SCAI: variants seen among roughly 807,000 people sequenced by gnomAD.
SCAI encodes the protein suppressor of cancer cell invasion, also known as protein SCAI.
Under a neutral mutation model 92.2 loss-of-function variants are expected in SCAI, and 24 were observed. That is an observed-to-expected ratio of 0.26 (90% CI 0.19 to 0.37). SCAI has a LOEUF of 0.37. SCAI is among the 10% of genes least tolerant of loss of function. The pLI, the probability that SCAI is intolerant of heterozygous loss-of-function variation, is 1.00. For synonymous variants in SCAI, 261 were observed against 258.6 expected, an observed-to-expected ratio of 1.01 and a Z score of -0.09; for missense variants, 450 against 736.2, an observed-to-expected ratio of 0.61 and a Z score of 4.50.
At chr9:125,064,614 G>T (rs1056611205) in intron 2 of SCAI, among the ~76,000 whole-genome samples, 11 of 152,158 alleles carry the variant, frequency 7.2e-5, no homozygotes, top group Non-Finnish European at 1.5e-4. Flanking sequence ...GGGAGGCTGA[G>T]GTGGGCAGAT....
chr9:125,081,962 G>A (rs1834228255), intron 2 of SCAI, among the ~76,000 whole-genome samples: 1 of 152,158 alleles, frequency 6.6e-6, no homozygotes, highest in African/African-American at 2.4e-5. Flanking sequence ...CATTTTCCGG[G>A]GAGACATTCA....
intron 2 of SCAI, among the ~76,000 whole-genome samples, chr9:125,117,739 G>A (rs892725858): frequency 4.0e-5 from 6 of 151,570 alleles, no homozygotes; most frequent in Non-Finnish European, 8.8e-5. Flanking sequence ...CTTATCATGG[G>A]CTGCTTTCAT....
chr9:124,995,234 G>T (rs1313519248), intron 13 of SCAI, among the ~76,000 whole-genome samples: 1 of 151,698 alleles, frequency 6.6e-6, no homozygotes, highest in South Asian at 2.1e-4. Flanking sequence ...TGTTATTCAA[G>T]AATATCTAAG....
chr9:125,026,927 A>G lies in SCAI; in HGVS notation c.414-17T>C, dbSNP rs1411864380. On this transcript the variant is annotated splice_polypyrimidine_tract_variant and intron_variant, in intron 5 of 17. Transcript: ENST00000336505. The stretch of plus-strand genomic sequence containing the variant: ...GTGCGTAAGCTATGAGAAAAAATAT[A>G]TTTTTAAATATGACAGTGTCAGAGA... The G allele has an allele frequency of 2.1e-6, 3 of 1,420,732 alleles. No individual in the cohort carries two copies. Among genetic ancestry groups the G allele is most frequent in the African/African-American group, 2.8e-5 (2 of 70,458 alleles). The allele number at this position is 1,420,732 out of a possible 1,614,324, so 88.0% of individuals were successfully genotyped here.
intron 17 of SCAI, among the ~76,000 whole-genome samples, chr9:124,953,395 G>A (rs1407183290): frequency 6.6e-6 from 1 of 152,070 alleles, no homozygotes; most frequent in Non-Finnish European, 1.5e-5. Context: ...TTGGGAGGCC[G>A]AAGCGGGCAG....
intron 4 of SCAI, 89 bp from the exon 5 acceptor site, chr9:125,028,567 T>C (rs1209828729): frequency 1.8e-5 from 10 of 559,960 alleles, no homozygotes; most frequent in Non-Finnish European, 3.0e-5. Context: ...TAAAATACCA[T>C]CCAATTCAGC....
At chr9:125,097,002 G>C (rs150697233) in intron 2 of SCAI, among the ~76,000 whole-genome samples, 140 of 152,024 alleles carry the variant, frequency 9.2e-4, no homozygotes, top group Middle Eastern at 3.4e-3. Flanking sequence ...TGAGAAGTAG[G>C]GAAAGAATTT....
At chr9:124,991,608 G>A (rs1832124896) in intron 14 of SCAI, among the ~76,000 whole-genome samples, 2 of 151,980 alleles carry the variant, frequency 1.3e-5, no homozygotes, top group South Asian at 2.1e-4. Context: ...GGAGGCTGAG[G>A]TGGGCGGATC....
At chr9:125,007,419 G>A (rs140718494) in intron 9 of SCAI, among the ~76,000 whole-genome samples, 5 of 152,216 alleles carry the variant, frequency 3.3e-5, no homozygotes, top group South Asian at 4.1e-4. Context: ...GCCAGGTGCC[G>A]TGGTTCATGC....
intron 2 of SCAI, among the ~76,000 whole-genome samples, chr9:125,140,931 C>T (rs1300344230): frequency 6.6e-6 from 1 of 151,700 alleles, no homozygotes; most frequent in African/African-American, 2.4e-5. Flanking sequence ...TAAAAAGTTA[C>T]TGAGAAATTT....
intron 2 of SCAI, among the ~76,000 whole-genome samples, chr9:125,132,117 CTTT>C (rs758872012): frequency 2.1e-5 from 3 of 142,874 alleles, no homozygotes; most frequent in Admixed American, 7.0e-5. Context: ...TTCTTTTTTC[CTTT>C]TTTTTTTTTT....
intron 2 of SCAI, among the ~76,000 whole-genome samples, chr9:125,138,249 CTTTTTTT>C (rs10570060): frequency 1.9e-5 from 2 of 104,200 alleles, no homozygotes; most frequent in Non-Finnish European, 4.0e-5. Flanking sequence ...ACTATTATTT[CTTTTTTT>C]TTTTTTTTTT....
In SCAI at chr9:124,984,096, C is replaced by T. The variant is rs1006231717; in HGVS notation, c.1327-7910G>A. ...CAATTAGGGAAGACCTTTTAAAAGGCTTTATTTGCTCAAACACCTAAAGAA... is the reference window on the plus strand; with the variant it reads ...CAATTAGGGAAGACCTTTTAAAAGGTTTTATTTGCTCAAACACCTAAAGAA... On this transcript the variant is annotated intron_variant, in intron 14 of 17. Coordinates refer to ENST00000336505, the MANE Select transcript of SCAI (RefSeq NM_001144877.3). Among the ~76,000 whole-genome samples the T allele has an allele frequency of 7.2e-5, 11 of 152,078 alleles. 1 individual carries two copies. Among genetic ancestry groups the T allele is most frequent in the African/African-American group, 2.7e-4 (11 of 41,386 alleles).
chr9:125,086,307 A>C (rs1161438522), intron 2 of SCAI, among the ~76,000 whole-genome samples: 3 of 152,222 alleles, frequency 2.0e-5, no homozygotes. Context: ...GAAACAGTTT[A>C]TGTGTGCCTG....
At chr9:125,142,204 G>A (rs558423193) in intron 2 of SCAI, 1 of 160,080 alleles carries the variant, frequency 6.2e-6, no homozygotes, top group African/African-American at 2.4e-5. Flanking sequence ...GTCTTGCTCT[G>A]TTGCCCAGAC....
chr9:125,100,190 T>C (rs917068838), intron 2 of SCAI, among the ~76,000 whole-genome samples: 6 of 152,226 alleles, frequency 3.9e-5, no homozygotes, highest in African/African-American at 1.4e-4. Flanking sequence ...TCTCTTGTGG[T>C]GATTGCCAAC....
intron 3 of SCAI, among the ~76,000 whole-genome samples, chr9:125,047,184 T>C (rs1833461112): frequency 6.6e-6 from 1 of 152,036 alleles, no homozygotes; most frequent in South Asian, 2.1e-4. Context: ...AAAGAAGCCT[T>C]TAGGGAAGGT....
intron 2 of SCAI, among the ~76,000 whole-genome samples, chr9:125,117,079 G>C (rs573383056): frequency 1.8e-4 from 27 of 152,270 alleles, no homozygotes; most frequent in African/African-American, 6.3e-4. Flanking sequence ...CACACCTGAA[G>C]AGGTTTTTTT....
In SCAI at chr9:125,098,017, A is replaced by G. The variant is rs564049168; in HGVS notation, c.99-42010T>C. On this transcript the variant is annotated intron_variant, in intron 2 of 17. Coordinates refer to ENST00000336505, the MANE Select transcript of SCAI (RefSeq NM_001144877.3). ...AATATATATATGTGTGTGTGTGTGT[A>G]TATATATATCTATACACACACATAT... 2.5e-4 allele frequency among the ~76,000 whole-genome samples: 38 copies of G among 150,458 alleles called. 1 individual carries two copies. The highest frequency in any genetic ancestry group is 2.1e-3 in the East Asian group (11 of 5,154).
Sources: gnomAD v4.1 joint callset for allele counts (sites outside exome capture counted in the v4.1 genomes callset) on GRCh38, gnomAD v4.1.1 for gene constraint, MANE v1.5 for transcripts, NCBI Gene and HGNC (gene_info 2026-07-23, HGNC 2026-07-21) for gene names.